The following PHACTR3 variants were observed in gnomAD, a reference collection of about 807,000 sequenced individuals.
PHACTR3 encodes phosphatase and actin regulator 3.
Under a neutral mutation model 66.8 loss-of-function variants are expected in PHACTR3, and 16 were observed. That is an observed-to-expected ratio of 0.24 (90% confidence interval 0.16 to 0.36). The LOEUF (loss-of-function observed/expected upper bound fraction) is 0.36. Among genes scored for constraint, PHACTR3 ranks in the 10% least tolerant of loss-of-function variants. The probability of loss-of-function intolerance (pLI) is 1.00; values close to 1 mark genes in which losing one functional copy is unlikely to be tolerated. For synonymous variants in PHACTR3, 323 were observed against 292.1 expected (o/e 1.11, Z -1.08); for missense variants, 647 against 719.9 (o/e 0.90, Z 1.16).
At chr20:59,584,561 G>A (rs2032965312) in intron 1 of PHACTR3, among the ~76,000 whole-genome samples, 1 of 152,182 alleles carries the variant, frequency 6.6e-6, no homozygotes, top group African/African-American at 2.4e-5. Flanking sequence ...GTACGTGCAT[G>A]AGTGTATGTG....
intron 1 of PHACTR3, among the ~76,000 whole-genome samples, chr20:59,588,276 C>T (rs1205693680): frequency 6.6e-6 from 1 of 152,166 alleles, no homozygotes; most frequent in Non-Finnish European, 1.5e-5. Context: ...CTGCAGGGTG[C>T]TTTTGATAAA....
chr20:59,687,575 G>A (rs930666517), intron 1 of PHACTR3, among the ~76,000 whole-genome samples: 2 of 152,110 alleles, frequency 1.3e-5, no homozygotes, highest in East Asian at 3.8e-4. Flanking sequence ...TGAAGCCTCC[G>A]GGAGGTGTCA....
intron 1 of PHACTR3, among the ~76,000 whole-genome samples, chr20:59,622,981 C>CAAAAAAAAAAAAGAAAAAAAAA (rs2034301093): frequency 3.1e-5 from 1 of 32,216 alleles, no homozygotes; most frequent in Non-Finnish European, 5.5e-5. Flanking sequence ...CAGCTTTAAC[C>CAAAAAAAAAAAAGAAAAAAAAA]AAAAAAAAAA....
At chr20:59,708,127 C>G (rs1227754796) in intron 1 of PHACTR3, among the ~76,000 whole-genome samples, 16 of 152,192 alleles carry the variant, frequency 1.1e-4, no homozygotes, top group Non-Finnish European at 1.8e-4. Flanking sequence ...CTACCTCTGT[C>G]TGTACAGCTG....
intron 5 of PHACTR3, among the ~76,000 whole-genome samples, chr20:59,772,188 C>T (rs1020688562): frequency 7.2e-5 from 11 of 152,220 alleles, no homozygotes; most frequent in East Asian, 3.9e-4. Flanking sequence ...TCTGCTCTTC[C>T]GGGCACCTGA....
chr20:59,620,153 T>G (rs1423910432), intron 1 of PHACTR3, among the ~76,000 whole-genome samples: 1 of 152,236 alleles, frequency 6.6e-6, no homozygotes, highest in East Asian at 1.9e-4. Context: ...TTTTTATGTG[T>G]ATTTCTAATT....
At chr20:59,611,648 C>T (rs984755261) in intron 1 of PHACTR3, among the ~76,000 whole-genome samples, 9 of 152,176 alleles carry the variant, frequency 5.9e-5, no homozygotes, top group Non-Finnish European at 8.8e-5. Context: ...AAGGCTCCTC[C>T]CCTACACTTT....
intron 7 of PHACTR3, among the ~76,000 whole-genome samples, chr20:59,784,701 G>A (rs1021111687): frequency 6.6e-6 from 1 of 152,266 alleles, no homozygotes; most frequent in East Asian, 1.9e-4. Flanking sequence ...AGCCTCTGAG[G>A]GTTGTCCCAA....
At chr20:59,786,309 A>G (rs1601354760) in intron 7 of PHACTR3, among the ~76,000 whole-genome samples, 2 of 152,280 alleles carry the variant, frequency 1.3e-5, no homozygotes, top group African/African-American at 4.8e-5. Flanking sequence ...TGGAGGTTCA[A>G]TTTCCCTTCA....
intron 7 of PHACTR3, among the ~76,000 whole-genome samples, chr20:59,790,451 T>C (rs2041055521): frequency 6.6e-6 from 1 of 152,240 alleles, no homozygotes; most frequent in Non-Finnish European, 1.5e-5. Flanking sequence ...GATGGAAATA[T>C]TCATATGCAT....
intron 1 of PHACTR3, among the ~76,000 whole-genome samples, chr20:59,636,724 T>C (rs1181940649): frequency 6.6e-6 from 1 of 152,216 alleles, no homozygotes; most frequent in Non-Finnish European, 1.5e-5. Context: ...ATAATTCCTA[T>C]ACTTCACTGA....
intron 2 of PHACTR3, among the ~76,000 whole-genome samples, chr20:59,744,534 G>C (rs2039296721): frequency 6.6e-6 from 1 of 152,224 alleles, no homozygotes; most frequent in Non-Finnish European, 1.5e-5. Context: ...TTCCAGCTCT[G>C]AAGAGGCGCA....
chr20:59,617,386 A>G (rs762645482), intron 1 of PHACTR3, among the ~76,000 whole-genome samples: 25 of 152,348 alleles, frequency 1.6e-4, no homozygotes, highest in Admixed American at 3.3e-4. Context: ...CAGGAGCCCG[A>G]GTGTGAGTTC....
intron 4 of PHACTR3, among the ~76,000 whole-genome samples, chr20:59,757,851 T>C (rs1256767281): frequency 2.6e-5 from 4 of 152,186 alleles, no homozygotes; most frequent in Admixed American, 2.6e-4. Flanking sequence ...ACACCTGTAG[T>C]CCTAGCTACT....
At chr20:59,766,774 A>T (rs1371253556) in intron 4 of PHACTR3, among the ~76,000 whole-genome samples, 2 of 152,228 alleles carry the variant, frequency 1.3e-5, no homozygotes, top group East Asian at 1.9e-4. Flanking sequence ...GTGAGGGACT[A>T]TTGTTAACAC....
In PHACTR3 at chr20:59,633,445, G is replaced by A. The variant is rs573517552; in HGVS notation, c.118+28313G>A. Reference sequence around the variant, plus strand: ...ATGCTCTCACTTATAAGTGGGAGTTGAACATTGAGAACACATGGTCACAGA... The same window carrying A: ...ATGCTCTCACTTATAAGTGGGAGTTAAACATTGAGAACACATGGTCACAGA... On this transcript the variant is annotated intron_variant, in intron 1 of 12. Coordinates refer to ENST00000371015, the MANE Select transcript of PHACTR3 (RefSeq NM_080672.5). Among the ~76,000 whole-genome samples the A allele has an allele frequency of 8.5e-5, 13 of 152,234 alleles. 1 individual carries two copies. In the South Asian group the frequency reaches 2.3e-3, roughly 27 times the overall value.
intron 1 of PHACTR3, among the ~76,000 whole-genome samples, chr20:59,687,173 T>C (rs886499372): frequency 1.1e-4 from 16 of 150,922 alleles, no homozygotes; most frequent in African/African-American, 2.9e-4. Context: ...GTGATGGTGG[T>C]GGTGATAGTG....
At chr20:59,722,392 G>A (rs1424293562) in intron 1 of PHACTR3, among the ~76,000 whole-genome samples, 4 of 152,170 alleles carry the variant, frequency 2.6e-5, no homozygotes, top group African/African-American at 7.2e-5. Context: ...CTGGCAGAGA[G>A]GGTGGCTGAT....
chr20:59,809,689 G>A (rs2041676604), intron 8 of PHACTR3, among the ~76,000 whole-genome samples: 1 of 152,098 alleles, frequency 6.6e-6, no homozygotes, highest in Non-Finnish European at 1.5e-5. Context: ...AACTTGAGGA[G>A]CTCACAGCCT....
Sources: gnomAD v4.1 joint callset for allele counts (sites outside exome capture counted in the v4.1 genomes callset) on GRCh38, gnomAD v4.1.1 for gene constraint, MANE v1.5 for transcripts, NCBI Gene and HGNC (gene_info 2026-07-23, HGNC 2026-07-21) for gene names.